The following CHRDL2 variants were observed in gnomAD, a reference collection of about 807,000 sequenced individuals.
CHRDL2 encodes chordin-like protein 2.
CHRDL2 carries 41 observed loss-of-function variants against 54.3 expected under a neutral mutation model. That is an observed-to-expected ratio of 0.76 (90% CI 0.59 to 0.98). CHRDL2 has a LOEUF of 0.98. Ranked by LOEUF, CHRDL2 falls within the 50% of genes least tolerant of loss-of-function variation. The probability of loss-of-function intolerance (pLI) is 0.00; values close to 1 mark genes in which losing one functional copy is unlikely to be tolerated. For synonymous variants in CHRDL2, 220 were observed against 224.3 expected (o/e 0.98, Z 0.17); for missense variants, 518 against 562.4 (o/e 0.92, Z 0.80).
In CHRDL2 at chr11:74,702,973, G is replaced by A. The variant is rs774748662; in HGVS notation, c.947-6C>T. ...GCCAGGGTCTGCTTTGTCCTCTGGA[G>A]AGACAAGAAGCTCATGAAGTGTTCA... On this transcript the variant is annotated splice_region_variant and splice_polypyrimidine_tract_variant and intron_variant, in intron 8 of 10. Coordinates refer to ENST00000376332, the MANE Select transcript of CHRDL2 (RefSeq NM_001278473.3). 2 of 1,605,212 alleles carry A rather than the reference G, an allele frequency of 1.2e-6. No individual in the cohort carries two copies. Among genetic ancestry groups the A allele is most frequent in the Non-Finnish European group, 1.7e-6 (2 of 1,175,280 alleles).
intron 6 of CHRDL2, 68 bp downstream of exon 6, chr11:74,706,419 G>A (rs906929075): frequency 6.7e-7 from 1 of 1,491,252 alleles, no homozygotes; most frequent in Non-Finnish European, 9.3e-7. Context: ...CTGCCCCAGA[G>A]TCACGAGATT....
In CHRDL2 at chr11:74,718,597, C is replaced by T. The variant is rs1339762062; in HGVS notation, c.195+123G>A. ...TAGTCAGTAGTGAAGTGGCTTGTCCCAAGTCTCTCAGCTGCCGCTGACAGC... is the reference window on the plus strand; with the variant it reads ...TAGTCAGTAGTGAAGTGGCTTGTCCTAAGTCTCTCAGCTGCCGCTGACAGC... On this transcript the variant is annotated intron_variant, in intron 2 of 10. Transcript: ENST00000376332. 7 of 665,770 alleles carry T rather than the reference C, an allele frequency of 1.1e-5. No individual in the cohort carries two copies. In the East Asian group the frequency reaches 1.9e-4, roughly 18 times the overall value. The allele number at this position is 665,770 out of a possible 1,614,324, so 41.2% of individuals were successfully genotyped here.
Position 74,718,771 on chromosome 11 carries a change from G to A in CHRDL2, c.144C>T (p.Pro48=). The change falls in exon 2 of 11, where the codon CCC becomes CCT. Residue 48 remains proline (P), a synonymous_variant. Transcript: ENST00000376332. ...ACATCAGGCCTTGTGGCTCCAAGTA[G>A]GGGTGCCAGCTCTCGCCGGGGGAGT... ...KRYSPGESWH[P]YLEPQGLMYC... 6.2e-7 allele frequency: 1 copy of A among 1,613,880 alleles called. No homozygotes were observed. The highest frequency in any genetic ancestry group is 1.1e-5 in the South Asian group (1 of 90,968).
At chr11:74,713,617 G>A in intron 2 of CHRDL2, 138 bp from the exon 3 acceptor site, 1 of 663,346 alleles carries the variant, frequency 1.5e-6, no homozygotes, top group Non-Finnish European at 2.6e-6. Context: ...AAACAATTAA[G>A]TGTGCCCGGT....
intron 4 of CHRDL2, among the ~76,000 whole-genome samples, chr11:74,710,345 C>T (rs2034147268): frequency 6.6e-6 from 1 of 152,196 alleles, no homozygotes; most frequent in South Asian, 2.1e-4. Context: ...TAGCTTCAGT[C>T]TCTGTCCCAT....
In CHRDL2 at chr11:74,731,330, CG is replaced by C. The variant is rs1444050894; in HGVS notation, c.-443del. The C allele has an allele frequency of 1.3e-5, 2 of 148,202 alleles. No individual in the cohort carries two copies. The highest frequency in any genetic ancestry group is 1.3e-4 in the Admixed American group (2 of 14,866). 9.2% of individuals were successfully genotyped at this position (148,202 alleles called of 1,614,324 possible). On this transcript the variant is annotated 5_prime_UTR_variant, in exon 1 of 11. Transcript: ENST00000376332. This position sits in a 1 kb window ranked among gnomAD's most constrained non-coding sequence, Gnocchi z 4.4. ...GCTCGGTGGGCTCGGGGTCGGGCCG[CG>C]GGGGCCTGGGGCCCGGCGGGGCGGC...
intron 7 of CHRDL2, 44 bp from the exon 8 acceptor site, chr11:74,703,543 C>T: frequency 1.3e-6 from 2 of 1,491,774 alleles, no homozygotes; most frequent in East Asian, 2.4e-5. Context: ...GGGCCTCAGA[C>T]CTGGCCAGGG....
rs1276957126 is a variant in CHRDL2, at chr11:74,697,539, C to G, written c.1121-242G>C. 1.6e-5 allele frequency: 9 copies of G among 563,332 alleles called. No individual in the cohort carries two copies. The Admixed American group carries it at 1.8e-4, about 11-fold the overall frequency. The allele number at this position is 563,332 out of a possible 1,614,324, so 34.9% of individuals were successfully genotyped here. On this transcript the variant is annotated intron_variant, in intron 9 of 10. Coordinates refer to ENST00000376332, the MANE Select transcript of CHRDL2 (RefSeq NM_001278473.3). ...TGGGTCACTACACTAGAGTCCTAAC[C>G]CCTTTCACTCCCCCTCTAATCTGCA...
intron 9 of CHRDL2, chr11:74,701,795 C>T (rs1344319588): frequency 3.6e-6 from 2 of 550,076 alleles, no homozygotes; most frequent in Non-Finnish European, 6.6e-6. Context: ...TTCCCTCTTC[C>T]ACCCCCACCC....
At chr11:74,726,637 C>T (rs190338930) in intron 1 of CHRDL2, among the ~76,000 whole-genome samples, 123 of 152,286 alleles carry the variant, frequency 8.1e-4, no homozygotes, top group Non-Finnish European at 1.4e-3. Flanking sequence ...CCATGGTTGG[C>T]GGCTGGGGGA....
chr11:74,710,085 G>A (rs940220316), intron 4 of CHRDL2, among the ~76,000 whole-genome samples: 22 of 152,126 alleles, frequency 1.4e-4, no homozygotes, highest in African/African-American at 5.3e-4. Context: ...GCGTGGTGGT[G>A]GGCGCCTGTA....
intron 1 of CHRDL2, among the ~76,000 whole-genome samples, chr11:74,730,534 C>A (rs1186111173): frequency 6.6e-6 from 1 of 152,066 alleles, no homozygotes; most frequent in Admixed American, 6.5e-5. Flanking sequence ...AGTAAGTCCT[C>A]CCCCAACCCA....
At chr11:74,708,952 T>C (rs1444352420) in intron 4 of CHRDL2, among the ~76,000 whole-genome samples, 1 of 152,136 alleles carries the variant, frequency 6.6e-6, no homozygotes, top group Non-Finnish European at 1.5e-5. Flanking sequence ...GGGCCTGAGA[T>C]TCCTCCTCTG....
intron 7 of CHRDL2, 49 bp from the exon 8 acceptor site, chr11:74,703,548 C>T (rs1179131101): frequency 5.4e-6 from 8 of 1,472,170 alleles, no homozygotes; most frequent in Non-Finnish European, 6.4e-6. Context: ...TCAGACCTGG[C>T]CAGGGCCTCT....
chr11:74,713,440 C>T lies in CHRDL2; in HGVS notation c.235G>A (p.Val79Ile). Residue 79 changes from valine (V) to isoleucine (I), a missense_variant, in exon 3 of 11, where the codon GTC becomes ATC. Transcript: ENST00000376332. ...VSCYRLHCPPVHCPQPVTEPQ... is the reference protein window; with the variant it reads ...VSCYRLHCPPIHCPQPVTEPQ... ...TCCGTCACAGGCTGGGGGCAGTGGACAGGCGGACAGTGGAGGCGGTAACAA... is the reference window on the plus strand; with the variant it reads ...TCCGTCACAGGCTGGGGGCAGTGGATAGGCGGACAGTGGAGGCGGTAACAA... The T allele has an allele frequency of 6.2e-7, 1 of 1,614,174 alleles. No individual in the cohort carries two copies. The highest frequency in any genetic ancestry group is 8.5e-7 in the Non-Finnish European group (1 of 1,180,022).
chr11:74,714,774 A>C (rs1440936063), intron 2 of CHRDL2, among the ~76,000 whole-genome samples: 2 of 152,200 alleles, frequency 1.3e-5, no homozygotes, highest in Non-Finnish European at 2.9e-5. Context: ...GTGTGGCCTG[A>C]AGAGTTAGAA....
At chr11:74,727,571 ATTTC>A (rs1197169267) in intron 1 of CHRDL2, among the ~76,000 whole-genome samples, 1 of 152,030 alleles carries the variant, frequency 6.6e-6, no homozygotes, top group African/African-American at 2.4e-5. Flanking sequence ...TGCCAGGCTA[ATTTC>A]TTTATTTTTT....
At chr11:74,718,240 G>T (rs2034412272) in intron 2 of CHRDL2, among the ~76,000 whole-genome samples, 1 of 152,188 alleles carries the variant, frequency 6.6e-6, no homozygotes, top group African/African-American at 2.4e-5. Flanking sequence ...GATCCCAGAA[G>T]AAGAAAATCC....
At chr11:74,709,652 A>G (rs186868465) in intron 4 of CHRDL2, among the ~76,000 whole-genome samples, 4 of 152,348 alleles carry the variant, frequency 2.6e-5, no homozygotes, top group African/African-American at 9.6e-5. Flanking sequence ...TCAAAGACTC[A>G]GACTGATGGG....
Sources: gnomAD v4.1 joint callset for allele counts (sites outside exome capture counted in the v4.1 genomes callset) on GRCh38, gnomAD v4.1.1 for gene constraint, Gnocchi (gnomAD v3.1) non-coding constraint, MANE v1.5 for transcripts, NCBI Gene and HGNC (gene_info 2026-07-23, HGNC 2026-07-21) for gene names.